GPD2: variants seen among roughly 807,000 people sequenced by gnomAD.
GPD2 encodes the protein glycerol-3-phosphate dehydrogenase, mitochondrial.
A neutral mutation model predicts 82.4 loss-of-function variants in GPD2; 54 were observed. The observed-to-expected ratio is 0.66, with a 90% CI of 0.53 to 0.82. The LOEUF is 0.82. Among genes scored for constraint, GPD2 ranks in the 40% least tolerant of loss-of-function variants. The pLI is 0.00. For missense variants in GPD2, 748 were observed against 896.2 expected (o/e 0.83, Z 2.11); for synonymous variants, 288 against 306.1 (o/e 0.94, Z 0.62).
At chr2:156,578,092 T>G in intron 13 of GPD2, among the ~76,000 whole-genome samples, 1 of 152,190 alleles carries the variant, frequency 6.6e-6, no homozygotes, top group Non-Finnish European at 1.5e-5. Flanking sequence ...TAAAGTCATT[T>G]CAGAAGTTTT....
chr2:156,521,348 G>A (rs1685400308), intron 6 of GPD2, among the ~76,000 whole-genome samples: 1 of 152,138 alleles, frequency 6.6e-6, no homozygotes, highest in South Asian at 2.1e-4. Flanking sequence ...AATATGGAAG[G>A]AGATGACTTA....
Position 156,585,533 on chromosome 2 carries a change from T to G in GPD2, c.*2615T>G, listed in dbSNP as rs1688187961. The G allele has an allele frequency of 6.6e-6, 1 of 152,438 alleles. No individual in the cohort carries two copies. Among genetic ancestry groups the G allele is most frequent in the African/African-American group, 2.4e-5 (1 of 41,422 alleles). 9.4% of individuals were successfully genotyped at this position (152,438 alleles called of 1,614,324 possible). ...GTCTGCCTCATATCCATCATGCTGT[T>G]TGCAATATTCTTGCTTTCAATCAAT... On this transcript the variant is annotated 3_prime_UTR_variant, in exon 17 of 17. Coordinates refer to ENST00000438166, the MANE Select transcript of GPD2 (RefSeq NM_000408.5).
At chr2:156,541,085 A>G (rs1686291323) in intron 6 of GPD2, among the ~76,000 whole-genome samples, 1 of 152,226 alleles carries the variant, frequency 6.6e-6, no homozygotes, top group Non-Finnish European at 1.5e-5. Context: ...ATCATTATCT[A>G]TCTCACTTCT....
At chr2:156,499,242 C>A (rs780800925) in intron 3 of GPD2, among the ~76,000 whole-genome samples, 5 of 151,874 alleles carry the variant, frequency 3.3e-5, no homozygotes, top group Non-Finnish European at 7.4e-5. Context: ...AATTTATTAT[C>A]CACATGAGAC....
chr2:156,469,240 A>G (rs1683244943), intron 1 of GPD2, among the ~76,000 whole-genome samples: 1 of 151,862 alleles, frequency 6.6e-6, no homozygotes, highest in Admixed American at 6.6e-5. Flanking sequence ...GCTCACTGCA[A>G]CCTCCACCTC....
the GPD2 span, among the ~76,000 whole-genome samples, chr2:156,403,407 G>C: frequency 2.0e-5 from 3 of 152,122 alleles, no homozygotes; most frequent in Non-Finnish European, 4.4e-5. Flanking sequence ...CTTTCTCCTT[G>C]TATGAGGGTG....
At chr2:156,524,800 A>C (rs1349460104) in intron 6 of GPD2, among the ~76,000 whole-genome samples, 1 of 152,216 alleles carries the variant, frequency 6.6e-6, no homozygotes, top group Non-Finnish European at 1.5e-5. Flanking sequence ...ACTAGCAACA[A>C]AAAGGCTAGA....
intron 6 of GPD2, 53 bp from the exon 7 acceptor site, chr2:156,549,555 G>C: frequency 6.6e-7 from 1 of 1,504,280 alleles, no homozygotes; most frequent in Non-Finnish European, 9.3e-7. Flanking sequence ...TGTACCACCA[G>C]TCTGTGGCTC....
chr2:156,528,371 G>A (rs1685691088), intron 6 of GPD2, among the ~76,000 whole-genome samples: 2 of 151,482 alleles, frequency 1.3e-5, no homozygotes, highest in Non-Finnish European at 2.9e-5. Context: ...AGCAAAGAGA[G>A]ATAAACATAT....
intron 9 of GPD2, among the ~76,000 whole-genome samples, chr2:156,564,873 T>A (rs1467930991): frequency 6.6e-6 from 1 of 152,132 alleles, no homozygotes; most frequent in Admixed American, 6.6e-5. Flanking sequence ...TAAATTAAAG[T>A]TCTTAACACA....
chr2:156,564,377 G>GA (rs937821814), intron 9 of GPD2, among the ~76,000 whole-genome samples: 20 of 152,156 alleles, frequency 1.3e-4, no homozygotes, highest in African/African-American at 4.8e-4. Flanking sequence ...AATCTTTCTT[G>GA]AAAAAACTTT....
At chr2:156,411,840 AT>A in the GPD2 span, among the ~76,000 whole-genome samples, 4 of 152,258 alleles carry the variant, frequency 2.6e-5, no homozygotes, top group African/African-American at 7.2e-5. Flanking sequence ...AATACAAATT[AT>A]AAAAATAGCA....
intron 3 of GPD2, among the ~76,000 whole-genome samples, chr2:156,507,128 C>T (rs1339523993): frequency 1.3e-5 from 2 of 151,988 alleles, no homozygotes; most frequent in South Asian, 2.1e-4. Flanking sequence ...ATTCTCCTGC[C>T]TCAGCCTCCT....
chr2:156,507,066 T>G (rs568840198), intron 3 of GPD2, among the ~76,000 whole-genome samples: 1 of 151,570 alleles, frequency 6.6e-6, no homozygotes, highest in African/African-American at 2.4e-5. Flanking sequence ...TAGGCTGGAG[T>G]GCAATGGCAC....
At chr2:156,508,763 CTG>C (rs1457739103) in intron 3 of GPD2, among the ~76,000 whole-genome samples, 1 of 152,180 alleles carries the variant, frequency 6.6e-6, no homozygotes, top group Non-Finnish European at 1.5e-5. Flanking sequence ...AAGAAGAACT[CTG>C]TGTTGGACTT....
the GPD2 span, among the ~76,000 whole-genome samples, chr2:156,401,215 T>TA: frequency 6.6e-6 from 1 of 152,188 alleles, no homozygotes; most frequent in Non-Finnish European, 1.5e-5. Context: ...GAACCACCAA[T>TA]GCTTATAGCA....
At chr2:156,578,807 T>C (rs1424984744) in intron 13 of GPD2, 82 bp from the exon 14 acceptor site, 1 of 834,934 alleles carries the variant, frequency 1.2e-6, no homozygotes, top group Non-Finnish European at 2.1e-6. Context: ...AACTTCATTT[T>C]CTGAAGATCA....
rs147741027 is a variant in GPD2 at position 156,459,026 on chromosome 2, T to C, written c.-8-17072T>C. On this transcript the variant is annotated intron_variant, in intron 1 of 16. Transcript: ENST00000438166. ...ATAGAAATATATATATATATATATA[T>C]ACACACACACAAAGATACTGTTTTA... is the stretch of plus-strand genomic sequence containing the variant. Among the ~76,000 whole-genome samples the C allele has an allele frequency of 9.4e-3, 1,121 of 118,958 alleles. 17 individuals carry two copies. Among genetic ancestry groups the C allele is most frequent in the African/African-American group, 0.028 (1,032 of 36,342 alleles). The allele number at this position is 118,958 out of a possible 152,430, so 78.0% of individuals were successfully genotyped here.
At chr2:156,404,211 TAAAAATTA>T in the GPD2 span, among the ~76,000 whole-genome samples, 27 of 151,234 alleles carry the variant, frequency 1.8e-4, no homozygotes, top group Non-Finnish European at 3.2e-4. Context: ...CTACAAAAAA[TAAAAATTA>T]AAAATTAAAA....
Sources: gnomAD v4.1 joint callset for allele counts (sites outside exome capture counted in the v4.1 genomes callset) on GRCh38, gnomAD v4.1.1 for gene constraint, MANE v1.5 for transcripts, NCBI Gene and HGNC (gene_info 2026-07-23, HGNC 2026-07-21) for gene names.